CERS4: variants seen among roughly 807,000 people sequenced by gnomAD.
CERS4 encodes the protein ceramide synthase 4, also known as LAG1 homolog, ceramide synthase 4.
In CERS4, 65 loss-of-function variants were observed where a neutral mutation model predicts 51.8. The observed-to-expected ratio is 1.26, with a 90% CI of 1.03 to 1.54. The LOEUF (loss-of-function observed/expected upper bound fraction) is 1.54, where lower values mean the gene tolerates loss of function less well. CERS4 is among the 40% of genes most tolerant of loss of function. The pLI is 0.00. For missense variants in CERS4, 563 were observed against 500.4 expected, an observed-to-expected ratio of 1.13 and a Z score of -1.19; for synonymous variants, 228 against 208.4, an observed-to-expected ratio of 1.09 and a Z score of -0.81.
intron 3 of CERS4, among the ~76,000 whole-genome samples, 164 bp from the exon 4 acceptor site, chr19:8,254,318 GTCTCAAAAAAAAAAAAA>G (rs1969250186): frequency 3.2e-4 from 3 of 9,356 alleles, no homozygotes; most frequent in Non-Finnish European, 2.8e-3. Flanking sequence ...GCAATACTCT[GTCTCAAAAAAAAAAAAA>G]AAAAAAAGTC....
chr19:8,229,306 C>A (rs1236257284), intron 2 of CERS4, among the ~76,000 whole-genome samples: 1 of 152,166 alleles, frequency 6.6e-6, no homozygotes, highest in Non-Finnish European at 1.5e-5. Context: ...GGTTCACTGG[C>A]TCCCATCCCA....
chr19:8,215,267 T>C (rs1366226169), intron 2 of CERS4, among the ~76,000 whole-genome samples: 1 of 151,780 alleles, frequency 6.6e-6, no homozygotes, highest in Non-Finnish European at 1.5e-5. Flanking sequence ...TCGCCTGAGG[T>C]CAAGAGTTCG....
intron 2 of CERS4, among the ~76,000 whole-genome samples, chr19:8,212,134 A>G (rs1489390444): frequency 2.0e-5 from 3 of 152,064 alleles, no homozygotes; most frequent in Non-Finnish European, 2.9e-5. Flanking sequence ...TAAGATCCAG[A>G]AGAGGGGAGA....
intron 10 of CERS4, among the ~76,000 whole-genome samples, chr19:8,260,018 G>A (rs1290625157): frequency 2.6e-5 from 4 of 152,098 alleles, no homozygotes; most frequent in Non-Finnish European, 5.9e-5. Flanking sequence ...GTGGCTGTGA[G>A]ATGGGGAGAT....
At position 8,226,066 on chromosome 19, in the gene CERS4, G is replaced by A. The variant is rs539459726; in HGVS notation, c.-2+15204G>A. 7.9e-5 allele frequency among the ~76,000 whole-genome samples: 12 copies of A among 152,058 alleles called. 1 individual carries two copies. The South Asian group carries it at 2.5e-3, about 32-fold the overall frequency. ...GCAAAAATTAGCCAGGTGTGGTGGC[G>A]CATGCTTATAATCCCAGCTACTTGG... On this transcript the variant is annotated intron_variant, in intron 2 of 11. Transcript: ENST00000251363.
chr19:8,227,562 G>A (rs1297069305), intron 2 of CERS4, among the ~76,000 whole-genome samples: 1 of 151,848 alleles, frequency 6.6e-6, no homozygotes, highest in Non-Finnish European at 1.5e-5. Flanking sequence ...GGCTGGTCTC[G>A]AACTCCTGAT....
chr19:8,239,172 C>G (rs1207447794), intron 2 of CERS4, among the ~76,000 whole-genome samples: 1 of 151,820 alleles, frequency 6.6e-6, no homozygotes, highest in Admixed American at 6.6e-5. Flanking sequence ...GAGGCTGAGG[C>G]AGGTGGATCA....
At chr19:8,254,474 T>TTCA in intron 3 of CERS4, 25 bp from the exon 4 acceptor site, 2 of 1,608,276 alleles carry the variant, frequency 1.2e-6, no homozygotes, top group Non-Finnish European at 8.5e-7. Context: ...CCTGGGCTGA[T>TTCA]AGGCTCTGTC....
intron 10 of CERS4, among the ~76,000 whole-genome samples, chr19:8,258,395 A>G (rs772100023): frequency 1.2e-4 from 18 of 152,172 alleles, no homozygotes; most frequent in African/African-American, 2.2e-4. Context: ...CATGCGAAGG[A>G]GAGATTTACT....
At chr19:8,261,606 G>C in intron 10 of CERS4, 82 bp from the exon 11 acceptor site, 1 of 1,525,140 alleles carries the variant, frequency 6.6e-7, no homozygotes. Flanking sequence ...AGCAGGGAAG[G>C]CCATGCCAGT....
chr19:8,247,293 C>T (rs1968830070), intron 2 of CERS4, among the ~76,000 whole-genome samples: 1 of 152,022 alleles, frequency 6.6e-6, no homozygotes, highest in Admixed American at 6.6e-5. Context: ...GCACCAGCCA[C>T]ACGGACCTCC....
chr19:8,254,180 G>A (rs542362679), intron 3 of CERS4, among the ~76,000 whole-genome samples: 10 of 151,752 alleles, frequency 6.6e-5, no homozygotes, highest in East Asian at 2.0e-4. Flanking sequence ...AAAATTAGCC[G>A]GGCGTAGTGG....
At chr19:8,223,896 C>G (rs1050200408) in intron 2 of CERS4, among the ~76,000 whole-genome samples, 6 of 150,242 alleles carry the variant, frequency 4.0e-5, no homozygotes, top group African/African-American at 1.5e-4. Flanking sequence ...ATCAGGAGTT[C>G]GAGACCAGCC....
At chr19:8,244,706 G>A (rs1968680718) in intron 2 of CERS4, among the ~76,000 whole-genome samples, 1 of 152,058 alleles carries the variant, frequency 6.6e-6, no homozygotes, top group Admixed American at 6.6e-5. Context: ...AGAACCAAGG[G>A]CAACGGAACC....
At chr19:8,257,440 ATTTTT>A (rs34718857) in intron 9 of CERS4, among the ~76,000 whole-genome samples, 3 of 150,658 alleles carry the variant, frequency 2.0e-5, no homozygotes, top group Non-Finnish European at 4.4e-5. Context: ...ATGTATTCAC[ATTTTT>A]TTTTTTGAGA....
intron 2 of CERS4, among the ~76,000 whole-genome samples, chr19:8,229,080 C>T (rs149712278): frequency 0.021 from 3,159 of 151,604 alleles, 189 homozygotes; most frequent in East Asian, 0.18. Context: ...AATCCTAGTA[C>T]TTTGGGAGGC....
At chr19:8,242,152 C>T (rs1007817627) in intron 2 of CERS4, among the ~76,000 whole-genome samples, 3 of 152,156 alleles carry the variant, frequency 2.0e-5, no homozygotes, top group Non-Finnish European at 4.4e-5. Context: ...ATTGAGGCTC[C>T]CAGGGCTTTG....
Position 8,262,166 on chromosome 19 carries a change from G to C in CERS4, c.*57G>C. Reference sequence around the variant, plus strand: ...CCCGCCAGTGCCTTGGATATTTCTGGGGTGACTGGACTGGCGCCCCTGGGC... The same window carrying C: ...CCCGCCAGTGCCTTGGATATTTCTGCGGTGACTGGACTGGCGCCCCTGGGC... On this transcript the variant is annotated 3_prime_UTR_variant, in exon 12 of 12. Coordinates refer to ENST00000251363, the MANE Select transcript of CERS4 (RefSeq NM_024552.3). 1 of 1,406,936 alleles carries C rather than the reference G, an allele frequency of 7.1e-7. No individual in the cohort carries two copies. Among genetic ancestry groups the C allele is most frequent in the Non-Finnish European group, 9.2e-7 (1 of 1,084,894 alleles). 87.2% of individuals were successfully genotyped at this position (1,406,936 alleles called of 1,614,324 possible).
chr19:8,247,428 CT>C (rs1047117173), intron 2 of CERS4, among the ~76,000 whole-genome samples: 2 of 151,572 alleles, frequency 1.3e-5, no homozygotes, highest in Non-Finnish European at 2.9e-5. Context: ...ACCTTCTCAT[CT>C]TTTTTTTTCT....
Sources: gnomAD v4.1 joint callset for allele counts (sites outside exome capture counted in the v4.1 genomes callset) on GRCh38, gnomAD v4.1.1 for gene constraint, MANE v1.5 for transcripts, NCBI Gene and HGNC (gene_info 2026-07-23, HGNC 2026-07-21) for gene names.